PPARG: variants seen among roughly 807,000 people sequenced by gnomAD.
PPARG encodes peroxisome proliferator-activated receptor gamma.
In PPARG, 17 loss-of-function variants were observed where a neutral mutation model predicts 39.2. The ratio of observed to expected loss-of-function variants is 0.43; its 90% CI spans 0.30 to 0.65. PPARG has a LOEUF of 0.65. Among genes scored for constraint, PPARG ranks in the 30% least tolerant of loss-of-function variants. PPARG has a pLI of 0.13. For missense variants in PPARG, 406 were observed against 585.9 expected, an observed-to-expected ratio of 0.69 and a Z score of 3.17; for synonymous variants, 223 against 215.7, an observed-to-expected ratio of 1.03 and a Z score of -0.30.
At chr3:12,372,160 C>T (rs2049241684) in intron 2 of PPARG, 2 of 717,960 alleles carry the variant, frequency 2.8e-6, no homozygotes, top group East Asian at 5.4e-5. Context: ...ATAAAGCTTT[C>T]ATTTGAGAGT....
intron 2 of PPARG, among the ~76,000 whole-genome samples, chr3:12,372,725 A>T (rs1456634884): frequency 6.6e-6 from 1 of 152,220 alleles, no homozygotes; most frequent in Non-Finnish European, 1.5e-5. Flanking sequence ...ATACTCCCAA[A>T]TAATAATGCC....
chr3:12,358,239 A>G (rs2048728687), intron 2 of PPARG, among the ~76,000 whole-genome samples: 1 of 152,174 alleles, frequency 6.6e-6, no homozygotes, highest in Non-Finnish European at 1.5e-5. Context: ...CCACCTTTTG[A>G]TACTTCCATT....
intron 1 of PPARG, among the ~76,000 whole-genome samples, chr3:12,311,115 T>C (rs2047230687): frequency 6.6e-6 from 1 of 152,152 alleles, no homozygotes; most frequent in Non-Finnish European, 1.5e-5. Flanking sequence ...ATTTTTTTTT[T>C]ATTTTTGAGA....
chr3:12,309,818 C>G (rs1367302106), intron 1 of PPARG, among the ~76,000 whole-genome samples: 1 of 152,114 alleles, frequency 6.6e-6, no homozygotes, highest in African/African-American at 2.4e-5. Context: ...AAAATCCCAT[C>G]CCAGATGTAA....
chr3:12,361,499 A>G (rs967885823), intron 2 of PPARG, among the ~76,000 whole-genome samples: 2 of 152,236 alleles, frequency 1.3e-5, no homozygotes, highest in East Asian at 1.9e-4. Flanking sequence ...ATTTAGATCC[A>G]TAATCCACAC....
chr3:12,294,067 A>G (rs762354675), intron 1 of PPARG, among the ~76,000 whole-genome samples: 15 of 152,210 alleles, frequency 9.9e-5, no homozygotes, highest in Non-Finnish European at 1.9e-4. Flanking sequence ...TTTCCTTGCT[A>G]CCTGAAAACA....
Position 12,380,031 on chromosome 3 carries a change from A to G in PPARG, c.220+100A>G. 4 of 1,022,898 alleles carry G rather than the reference A, an allele frequency of 3.9e-6. No individual in the cohort carries two copies. The South Asian group carries it at 5.3e-5, about 14-fold the overall frequency. 63.4% of individuals were successfully genotyped at this position (1,022,898 alleles called of 1,614,324 possible). A position where few individuals can be genotyped will look rare whatever the true frequency, so the allele number is the denominator to read the frequency against. On this transcript the variant is annotated intron_variant, in intron 3 of 7. Coordinates refer to ENST00000651735, the MANE Select transcript of PPARG (RefSeq NM_138711.6). ...TAATGCTCCAGAGACTAGAAATCTA[A>G]TAGAGAAGGCATTCACCATTCATTT...
intron 4 of PPARG, among the ~76,000 whole-genome samples, chr3:12,392,302 C>T (rs1288212842): frequency 6.6e-6 from 1 of 152,182 alleles, no homozygotes; most frequent in Non-Finnish European, 1.5e-5. Context: ...ATTTGCATTA[C>T]ATTAAATCCA....
intron 2 of PPARG, among the ~76,000 whole-genome samples, chr3:12,369,224 A>C (rs1307516184): frequency 6.6e-6 from 1 of 151,986 alleles, no homozygotes; most frequent in Non-Finnish European, 1.5e-5. Flanking sequence ...AGGCATAGTG[A>C]CTCACGCCTG....
At position 12,343,625 on chromosome 3, in the gene PPARG, A is replaced by G. The variant is rs113986038; in HGVS notation, c.-9+31172A>G. 4.2e-3 allele frequency among the ~76,000 whole-genome samples: 638 copies of G among 152,244 alleles called. 3 individuals are homozygous for G. Among genetic ancestry groups the G allele is most frequent in the Non-Finnish European group, 5.7e-3 (386 of 68,018 alleles). ...GTCATGATTGTTTGCACTTCTCTCA[A>G]ACCACCTACTCGTATATTAGAGTGC... On this transcript the variant is annotated intron_variant, in intron 2 of 7. Coordinates refer to ENST00000651735, the MANE Select transcript of PPARG (RefSeq NM_138711.6).
At chr3:12,316,650 T>A (rs1403864347) in intron 2 of PPARG, among the ~76,000 whole-genome samples, 4 of 152,044 alleles carry the variant, frequency 2.6e-5, no homozygotes, top group Non-Finnish European at 5.9e-5. Context: ...GCAGTTATAT[T>A]CCACTTCATT....
intron 1 of PPARG, among the ~76,000 whole-genome samples, chr3:12,291,456 T>C (rs1449461975): frequency 6.6e-6 from 1 of 152,206 alleles, no homozygotes; most frequent in Non-Finnish European, 1.5e-5. Context: ...TTATTTGAAA[T>C]CTTCTTGGAA....
At chr3:12,398,672 A>G (rs900946235) in intron 5 of PPARG, among the ~76,000 whole-genome samples, 2 of 152,194 alleles carry the variant, frequency 1.3e-5, no homozygotes, top group Non-Finnish European at 2.9e-5. Context: ...TAGAGGACCC[A>G]GAACAGCAGG....
chr3:12,359,608 T>C (rs2048772652), intron 2 of PPARG, among the ~76,000 whole-genome samples: 1 of 152,032 alleles, frequency 6.6e-6, no homozygotes, highest in Non-Finnish European at 1.5e-5. Context: ...GAATAGGCCT[T>C]ATATACAAGC....
chr3:12,391,328 G>T (rs1265614719), intron 4 of PPARG, among the ~76,000 whole-genome samples: 1 of 152,122 alleles, frequency 6.6e-6, no homozygotes, highest in East Asian at 1.9e-4. Flanking sequence ...CTATTGGAAA[G>T]GAGAAAAACT....
intron 7 of PPARG, among the ~76,000 whole-genome samples, chr3:12,423,928 A>G (rs190801209): frequency 1.3e-5 from 2 of 152,352 alleles, no homozygotes; most frequent in Non-Finnish European, 2.9e-5. Context: ...ATTGTGTCTG[A>G]GAGTAATAGC....
chr3:12,334,293 C>T (rs975613344), intron 2 of PPARG, among the ~76,000 whole-genome samples: 6 of 150,644 alleles, frequency 4.0e-5, no homozygotes, highest in Non-Finnish European at 4.4e-5. Flanking sequence ...TGCAGTGGTA[C>T]GATTTTGGCT....
chr3:12,362,124 G>T (rs2125120472), intron 2 of PPARG, among the ~76,000 whole-genome samples: 1 of 152,132 alleles, frequency 6.6e-6, no homozygotes, highest in East Asian at 1.9e-4. Flanking sequence ...ACTTGTTGCT[G>T]GCTTATAGAA....
chr3:12,424,089 A>C (rs2051355813), intron 7 of PPARG, among the ~76,000 whole-genome samples: 1 of 152,176 alleles, frequency 6.6e-6, no homozygotes, highest in Non-Finnish European at 1.5e-5. Context: ...AGTTATCTAG[A>C]AATGTCCCAT....
Sources: allele counts gnomAD v4.1 joint callset (sites outside exome capture counted in the v4.1 genomes callset), GRCh38; gene constraint gnomAD v4.1.1; transcripts MANE v1.5; gene names NCBI Gene and HGNC (gene_info 2026-07-23, HGNC 2026-07-21).